CFAP46: variants seen among roughly 807,000 people sequenced by gnomAD.
CFAP46 encodes cilia and flagella associated protein 46.
Under a neutral mutation model 325.7 loss-of-function variants are expected in CFAP46, and 245 were observed. That is an observed-to-expected ratio of 0.75 (90% CI 0.68 to 0.84). The LOEUF is 0.84. CFAP46 is among the 40% of genes least tolerant of loss of function. The pLI is 0.00. For synonymous variants in CFAP46, 1,523 were observed against 1,495.9 expected (o/e 1.02, Z -0.42); for missense variants, 3,346 against 3,543.0 (o/e 0.94, Z 1.41).
chr10:132,923,260 C>A (rs1386244652), intron 11 of CFAP46, among the ~76,000 whole-genome samples: 1 of 147,406 alleles, frequency 6.8e-6, no homozygotes. Flanking sequence ...GCCCTGGAAC[C>A]CCTGGCCTTG....
chr10:132,912,615 C>T (rs1849569879), intron 19 of CFAP46, 40 bp downstream of exon 19: 4 of 1,001,618 alleles, frequency 4.0e-6, no homozygotes, highest in Non-Finnish European at 5.3e-6. Context: ...CTCTCTCTCT[C>T]TCTCTCTCTC....
intron 24 of CFAP46, among the ~76,000 whole-genome samples, chr10:132,896,169 A>G (rs1467010128): frequency 6.9e-6 from 1 of 144,744 alleles, no homozygotes; most frequent in Non-Finnish European, 1.5e-5. Flanking sequence ...GAAGGCAGCC[A>G]GGCTCTGTGT....
At chr10:132,860,611 C>T (rs1332245827) in intron 36 of CFAP46, 88 bp from the exon 37 acceptor site, 14 of 1,211,636 alleles carry the variant, frequency 1.2e-5, no homozygotes, top group African/African-American at 6.0e-5. Context: ...GGGACAGATA[C>T]GGGCCTGAGG....
chr10:132,887,207 TTCCTC>T (rs1564790404), intron 25 of CFAP46, among the ~76,000 whole-genome samples: 1 of 34,976 alleles, frequency 2.9e-5, no homozygotes, highest in Admixed American at 3.0e-4. Flanking sequence ...CTCCTCTTCT[TTCCTC>T]TCCCCTCTTC....
At chr10:132,816,328 CTTTTTT>C (rs1008391673) in intron 50 of CFAP46, among the ~76,000 whole-genome samples, 2 of 118,840 alleles carry the variant, frequency 1.7e-5, no homozygotes, top group African/African-American at 6.5e-5. Flanking sequence ...CTGACTTCTT[CTTTTTT>C]TTTTTTTTTT....
chr10:132,822,314 G>T (rs1847873877), intron 50 of CFAP46, among the ~76,000 whole-genome samples: 1 of 138,352 alleles, frequency 7.2e-6, no homozygotes, highest in Non-Finnish European at 1.5e-5. Flanking sequence ...TGTGTGCTGT[G>T]TGTGTGGTGA....
rs1246301725 is a variant in CFAP46 at position 132,941,001 on chromosome 10, T to C, written c.366A>G (p.Glu122=). Residue 122 remains glutamate (E), a synonymous_variant, in exon 4 of 58, where the codon GAA becomes GAG. Transcript: ENST00000368586. ...YMKAINFAKG[E]PRYYFLVYNA... The stretch of plus-strand genomic sequence containing the variant: ...GCCACTTCAATTTTGCCTACCTCGG[T>C]TCTCCTTTGGCAAAGTTTATGGCCT... 1 of 1,614,186 alleles carries C rather than the reference T, an allele frequency of 6.2e-7. No homozygotes were observed. Among genetic ancestry groups the C allele is most frequent in the Non-Finnish European group, 8.5e-7 (1 of 1,180,024 alleles).
At chr10:132,923,578 C>A (rs533818271) in intron 11 of CFAP46, among the ~76,000 whole-genome samples, 1 of 150,804 alleles carries the variant, frequency 6.6e-6, no homozygotes, top group East Asian at 2.0e-4. Context: ...TGGCCTCACG[C>A]AGCCCTTGTG....
intron 35 of CFAP46, among the ~76,000 whole-genome samples, chr10:132,865,473 C>A (rs1025052657): frequency 1.3e-5 from 2 of 152,182 alleles, no homozygotes; most frequent in Admixed American, 6.5e-5. Context: ...CTGGCAGGAA[C>A]CAGCTAAGAC....
intron 10 of CFAP46, among the ~76,000 whole-genome samples, chr10:132,926,237 TCC>T (rs1462114818): frequency 1.3e-5 from 2 of 151,838 alleles, no homozygotes; most frequent in African/African-American, 4.8e-5. Flanking sequence ...CGCGTGGCCG[TCC>T]CCCGTCCTCC....
In CFAP46 at chr10:132,847,945, C is replaced by T. The variant is rs1848467798; in HGVS notation, c.5953-624G>A. ...TTCTAGTAGGCTGCCTGAATGCAGG[C>T]AAAAACCAGCAAGCACGCTGGAGGC... On this transcript the variant is annotated intron_variant, in intron 41 of 57. Transcript: ENST00000368586. This position sits in a 1 kb window ranked among gnomAD's most constrained non-coding sequence, Gnocchi z 5.2. Among the ~76,000 whole-genome samples, 1 of 152,160 alleles carries T rather than the reference C, an allele frequency of 6.6e-6. No individual in the cohort carries two copies. Among genetic ancestry groups the T allele is most frequent in the African/African-American group, 2.4e-5 (1 of 41,448 alleles).
intron 50 of CFAP46, among the ~76,000 whole-genome samples, chr10:132,823,521 GTGTGTGCTGTGTGCGC>G (rs796106252): frequency 0.016 from 1,862 of 119,244 alleles, 8 homozygotes; most frequent in Non-Finnish European, 0.024. Flanking sequence ...GATGTGTGCT[GTGTGTGCTGTGTGCGC>G]TGTGTGCTGT....
In CFAP46 at chr10:132,867,137, G is replaced by A. The variant is rs535953611; in HGVS notation, c.4743+238C>T. ...AAACAGACACACAGGCCGGCCCCTC[G>A]CACACTGACACACACACAGGCCGGC... On this transcript the variant is annotated intron_variant, in intron 34 of 57. Coordinates refer to ENST00000368586, the MANE Select transcript of CFAP46 (RefSeq NM_001200049.3). Among the ~76,000 whole-genome samples, 16 of 145,868 alleles carry A rather than the reference G, an allele frequency of 1.1e-4. No individual in the cohort carries two copies. The East Asian group carries it at 1.6e-3, about 15-fold the overall frequency.
At chr10:132,873,425 C>T (rs907574989) in intron 31 of CFAP46, among the ~76,000 whole-genome samples, 10 of 152,106 alleles carry the variant, frequency 6.6e-5, no homozygotes, top group African/African-American at 2.4e-4. Context: ...TCCAGCGACA[C>T]GAGCCTGGCT....
intron 25 of CFAP46, among the ~76,000 whole-genome samples, chr10:132,890,202 T>C (rs1166317320): frequency 6.6e-6 from 1 of 152,130 alleles, no homozygotes; most frequent in East Asian, 1.9e-4. Context: ...GGGTCTGGGC[T>C]GCCCAGAGGC....
rs762427361 is a variant in CFAP46 at position 132,924,795 on chromosome 10, G to A, written c.1157C>T (p.Thr386Met). ...DPRVIHVVCA[T>M]QWNTCLPLLQ... ...CAGGGGCAGGCAGGTGTTCCACTGCGTGGCGCACACCACGTGGATGACCCG... is the reference window on the plus strand; with the variant it reads ...CAGGGGCAGGCAGGTGTTCCACTGCATGGCGCACACCACGTGGATGACCCG... Residue 386 changes from threonine (T) to methionine (M), a missense_variant, in exon 11 of 58, where the codon ACG becomes ATG. Transcript: ENST00000368586. The A allele has an allele frequency of 2.9e-5, 44 of 1,513,730 alleles. No homozygotes were observed. The Admixed American group carries it at 3.2e-4, about 11-fold the overall frequency. 93.8% of individuals were successfully genotyped at this position (1,513,730 alleles called of 1,614,324 possible).
At position 132,889,487 on chromosome 10, in the gene CFAP46, C is replaced by G. The variant is rs1315272192; in HGVS notation, c.3304+2846G>C. On this transcript the variant is annotated intron_variant, in intron 25 of 57. Coordinates refer to ENST00000368586, the MANE Select transcript of CFAP46 (RefSeq NM_001200049.3). This position sits in a 1 kb window ranked among gnomAD's most constrained non-coding sequence, Gnocchi z 6.0. ...GGGTCTGCGTCTGAAACTTGGGAACCCTGAGCCCTGCTTCCTCCTGCTTGA... is the reference window on the plus strand; with the variant it reads ...GGGTCTGCGTCTGAAACTTGGGAACGCTGAGCCCTGCTTCCTCCTGCTTGA... 6.6e-6 allele frequency among the ~76,000 whole-genome samples: 1 copy of G among 152,220 alleles called. No homozygotes were observed. The highest frequency in any genetic ancestry group is 1.5e-5 in the Non-Finnish European group (1 of 68,032).
intron 9 of CFAP46, among the ~76,000 whole-genome samples, chr10:132,928,863 G>A (rs924708440): frequency 3.3e-5 from 5 of 152,188 alleles, no homozygotes; most frequent in Admixed American, 6.5e-5. Context: ...CACACTTGTC[G>A]TTGTGTGAAG....
At position 132,924,817 on chromosome 10, in the gene CFAP46, C is replaced by T. The variant is rs991355684; in HGVS notation, c.1135G>A (p.Val379Ile). Reference sequence around the variant, plus strand: ...TGCGTGGCGCACACCACGTGGATGACCCGGGGGTCGCCCAGGCGCACGGCT... The same window carrying T: ...TGCGTGGCGCACACCACGTGGATGATCCGGGGGTCGCCCAGGCGCACGGCT... ...QRAVRLGDPR[V>I]IHVVCATQWN... Residue 379 changes from valine to isoleucine, a missense_variant, in exon 11 of 58, where the codon GTC becomes ATC. Val to Ile is a conservative substitution (Grantham distance 29, BLOSUM62 3). Transcript: ENST00000368586. 4 of 1,471,660 alleles carry T rather than the reference C, an allele frequency of 2.7e-6. No homozygotes were observed. The South Asian group carries it at 5.4e-5, about 20-fold the overall frequency. 91.2% of individuals were successfully genotyped at this position (1,471,660 alleles called of 1,614,324 possible). A position where few individuals can be genotyped will look rare whatever the true frequency, so the allele number is the denominator to read the frequency against.
Sources: gnomAD v4.1 joint callset for allele counts (sites outside exome capture counted in the v4.1 genomes callset) on GRCh38, gnomAD v4.1.1 for gene constraint, Gnocchi (gnomAD v3.1) non-coding constraint, MANE v1.5 for transcripts, NCBI Gene and HGNC (gene_info 2026-07-23, HGNC 2026-07-21) for gene names.